The following CLIC5 variants were observed in gnomAD, a reference collection of about 807,000 sequenced individuals.
CLIC5 encodes the protein chloride intracellular channel protein 5.
CLIC5 carries 20 observed loss-of-function variants against 24.7 expected under a neutral mutation model. The observed-to-expected ratio is 0.81, with a 90% CI of 0.57 to 1.18. The LOEUF (loss-of-function observed/expected upper bound fraction) is 1.18, where lower values mean the gene tolerates loss of function less well. Ranked by LOEUF, CLIC5 falls within the 50% of genes most tolerant of loss-of-function variation. CLIC5 has a pLI of 0.00. For synonymous variants in CLIC5, 159 were observed against 135.6 expected, an observed-to-expected ratio of 1.17 and a Z score of -1.20; for missense variants, 341 against 326.1, an observed-to-expected ratio of 1.05 and a Z score of -0.35.
chr6:46,110,657 G>A, the CLIC5 span, among the ~76,000 whole-genome samples: 1 of 152,116 alleles, frequency 6.6e-6, no homozygotes, highest in African/African-American at 2.4e-5. Context: ...GGTAAAGAAT[G>A]TCACTTTCTG....
chr6:46,119,902 G>T, the CLIC5 span, among the ~76,000 whole-genome samples: 1 of 152,228 alleles, frequency 6.6e-6, no homozygotes, highest in Non-Finnish European at 1.5e-5. Flanking sequence ...GCCCACCACT[G>T]TGAGGCTTGA....
chr6:46,103,342 C>T, the CLIC5 span, among the ~76,000 whole-genome samples: 2 of 152,092 alleles, frequency 1.3e-5, no homozygotes, highest in Non-Finnish European at 2.9e-5. Context: ...TGTTCAGAGA[C>T]CCTGCAAACA....
rs375558609 is a variant in CLIC5, at chr6:46,074,654, G to A, written c.540+5049C>T. Reference sequence around the variant, plus strand: ...TTTCCAAGGGACAGGCTTCACGTGAGCTGAGTGTGGACAGGAGTGTTGTTC... The same window carrying A: ...TTTCCAAGGGACAGGCTTCACGTGAACTGAGTGTGGACAGGAGTGTTGTTC... On this transcript the variant is annotated intron_variant, in intron 1 of 5. Coordinates refer to the CLIC5 transcript ENST00000185206. Among the ~76,000 whole-genome samples the A allele has an allele frequency of 4.6e-5, 7 of 152,330 alleles. No homozygotes were observed. The East Asian group carries it at 1.2e-3, about 25-fold the overall frequency.
chr6:46,095,850 T>C, the CLIC5 span, among the ~76,000 whole-genome samples: 1 of 152,220 alleles, frequency 6.6e-6, no homozygotes, highest in Non-Finnish European at 1.5e-5. Context: ...GTACCATTTT[T>C]CTGTATTAGT....
chr6:46,086,155 TC>T, the CLIC5 span, among the ~76,000 whole-genome samples: 3,352 of 152,312 alleles, frequency 0.022, 128 homozygotes, highest in African/African-American at 0.076. Flanking sequence ...GTTACCCCTT[TC>T]TTTGACTAGG....
intron 1 of CLIC5, among the ~76,000 whole-genome samples, chr6:46,069,290 G>A (rs1263805417): frequency 1.3e-5 from 2 of 152,012 alleles, no homozygotes; most frequent in African/African-American, 4.8e-5. Context: ...CTAAAATCAG[G>A]GGAATGGCAT....
intron 6 of CLIC5, among the ~76,000 whole-genome samples, chr6:45,886,049 T>C (rs1433474262): frequency 6.6e-6 from 1 of 152,140 alleles, no homozygotes; most frequent in Non-Finnish European, 1.5e-5. Flanking sequence ...AACTGAAAGA[T>C]GAAACCCCAA....
chr6:45,902,799 G>A lies in CLIC5; in HGVS notation c.*289C>T. The A allele has an allele frequency of 2.4e-6, 1 of 410,936 alleles. No individual in the cohort carries two copies. 25.5% of individuals were successfully genotyped at this position (410,936 alleles called of 1,614,324 possible). On this transcript the variant is annotated 3_prime_UTR_variant, in exon 6 of 6. Coordinates refer to ENST00000339561, the MANE Select transcript of CLIC5 (RefSeq NM_016929.5). ...GAAGAAGCTAGTGGCAATCCCATAT[G>A]TGGGCTCTCCAACACTGACTGACCC...
chr6:46,125,594 T>A, the CLIC5 span, among the ~76,000 whole-genome samples: 3 of 151,682 alleles, frequency 2.0e-5, no homozygotes, highest in Non-Finnish European at 4.4e-5. Context: ...ATATATATAT[T>A]TTTAAAAAGT....
intron 5 of CLIC5, among the ~76,000 whole-genome samples, chr6:45,908,826 G>A (rs1762732582): frequency 6.6e-6 from 1 of 152,082 alleles, no homozygotes; most frequent in African/African-American, 2.4e-5. Flanking sequence ...GAATATCTTT[G>A]TTAGTTTTCT....
At chr6:45,972,531 G>A (rs1765235749) in intron 1 of CLIC5, among the ~76,000 whole-genome samples, 1 of 152,224 alleles carries the variant, frequency 6.6e-6, no homozygotes, top group African/African-American at 2.4e-5. Flanking sequence ...AAGAGGGATA[G>A]TTTTCTTGTT....
At chr6:46,055,307 T>C (rs1321942179) in intron 1 of CLIC5, among the ~76,000 whole-genome samples, 1 of 152,220 alleles carries the variant, frequency 6.6e-6, no homozygotes, top group African/African-American at 2.4e-5. Context: ...TTCACCACGT[T>C]GGCCAGGCTG....
At chr6:45,885,054 C>T (rs905227018) in intron 6 of CLIC5, among the ~76,000 whole-genome samples, 2 of 144,328 alleles carry the variant, frequency 1.4e-5, no homozygotes, top group Non-Finnish European at 3.0e-5. Context: ...AGACTCCCCA[C>T]CCTACCACCG....
intron 6 of CLIC5, among the ~76,000 whole-genome samples, chr6:45,885,102 A>G (rs1420017572): frequency 6.6e-6 from 1 of 152,012 alleles, no homozygotes; most frequent in African/African-American, 2.4e-5. Context: ...CCTGCAATTG[A>G]CTGAATGTTT....
At chr6:45,931,948 C>G (rs1439422417) in intron 4 of CLIC5, among the ~76,000 whole-genome samples, 1 of 152,152 alleles carries the variant, frequency 6.6e-6, no homozygotes, top group Non-Finnish European at 1.5e-5. Flanking sequence ...GTGTGTGCCA[C>G]TGTGCCCAGC....
upstream of CLIC5, among the ~76,000 whole-genome samples, chr6:46,018,313 A>G (rs1158330673): frequency 6.6e-6 from 1 of 152,166 alleles, no homozygotes; most frequent in African/African-American, 2.4e-5. Flanking sequence ...GTGTGGTATG[A>G]CTTCTCTTTC....
In CLIC5 at chr6:45,941,040, C is replaced by T. The variant is rs577106905; in HGVS notation, c.406+507G>A. 3.3e-5 allele frequency among the ~76,000 whole-genome samples: 5 copies of T among 152,270 alleles called. No individual in the cohort carries two copies. The South Asian group carries it at 6.2e-4, about 19-fold the overall frequency. On this transcript the variant is annotated intron_variant, in intron 4 of 5. Coordinates refer to ENST00000339561, the MANE Select transcript of CLIC5 (RefSeq NM_016929.5). ...CTTTGAGGAGTGGCTTTCCAGGGCC[C>T]ACTGTCCTGCAGAAGGGGAGAACAC... is the stretch of plus-strand genomic sequence containing the variant.
chr6:46,092,046 C>T, the CLIC5 span, among the ~76,000 whole-genome samples: 39 of 152,256 alleles, frequency 2.6e-4, no homozygotes, highest in African/African-American at 9.1e-4. Context: ...TGATGATAGC[C>T]ATTCTAGCCG....
chr6:46,035,057 C>G (rs936408059), intron 1 of CLIC5, among the ~76,000 whole-genome samples: 1 of 152,154 alleles, frequency 6.6e-6, no homozygotes, highest in African/African-American at 2.4e-5. Context: ...AAGTTTTACC[C>G]ATATTATCTT....
Sources: gnomAD v4.1 joint callset for allele counts (sites outside exome capture counted in the v4.1 genomes callset) on GRCh38, gnomAD v4.1.1 for gene constraint, MANE v1.5 for transcripts, NCBI Gene and HGNC (gene_info 2026-07-23, HGNC 2026-07-21) for gene names.